Variants in PDHX observed in about 807,000 individuals in gnomAD.
PDHX encodes pyruvate dehydrogenase protein X component, mitochondrial.
Under a neutral mutation model 55.3 loss-of-function variants are expected in PDHX, and 33 were observed. The ratio of observed to expected loss-of-function variants is 0.60; its 90% CI spans 0.45 to 0.80. PDHX has a LOEUF of 0.80. PDHX is among the 30% of genes least tolerant of loss of function. The probability of loss-of-function intolerance (pLI) is 0.00; values close to 1 mark genes in which losing one functional copy is unlikely to be tolerated. For missense variants in PDHX, 622 were observed against 619.9 expected, an observed-to-expected ratio of 1.00 and a Z score of -0.04; for synonymous variants, 226 against 219.4, an observed-to-expected ratio of 1.03 and a Z score of -0.27.
Position 34,966,748 on chromosome 11 carries a change from AGCTG to A in PDHX, c.752_755del (p.Ala251AspfsTer8). 1.2e-6 allele frequency: 2 copies of A among 1,614,142 alleles called. No individual in the cohort carries two copies. The highest frequency in any genetic ancestry group is 4.5e-5 in the East Asian group (2 of 44,878). On this transcript the variant is annotated frameshift_variant, in exon 6 of 11. Coordinates refer to ENST00000227868, the MANE Select transcript of PDHX (RefSeq NM_003477.3). LOFTEE classifies it high-confidence loss of function. ...CAGCACCTTCGCCCCTACAGGCCAC[AGCTG>A]GACCATCTTATCCCCGGCCTGTGAT...
At chr11:34,922,867 TG>T (rs1853922764) in intron 1 of PDHX, among the ~76,000 whole-genome samples, 1 of 59,126 alleles carries the variant, frequency 1.7e-5, no homozygotes, top group African/African-American at 4.5e-5. Flanking sequence ...AGTATCGTTG[TG>T]TGTGTGTGTG....
intron 9 of PDHX, among the ~76,000 whole-genome samples, chr11:34,985,811 G>A (rs1017273210): frequency 1.3e-5 from 2 of 152,192 alleles, no homozygotes; most frequent in African/African-American, 4.8e-5. Flanking sequence ...ACATAAATGT[G>A]TAGACCTTCT....
chr11:34,931,613 GTTA>G (rs1854174282), intron 2 of PDHX, 129 bp downstream of exon 2: 11 of 642,558 alleles, frequency 1.7e-5, no homozygotes, highest in Admixed American at 2.6e-5. Flanking sequence ...TCCTTTGGTA[GTTA>G]ATGTAAGTTT....
At chr11:34,976,990 G>GT (rs1437716114) in intron 7 of PDHX, among the ~76,000 whole-genome samples, 2 of 152,144 alleles carry the variant, frequency 1.3e-5, no homozygotes, top group Non-Finnish European at 2.9e-5. Flanking sequence ...TGTAAGCACT[G>GT]TAAGTCCATT....
chr11:34,988,900 T>A (rs1855704580), intron 9 of PDHX, among the ~76,000 whole-genome samples: 1 of 152,218 alleles, frequency 6.6e-6, no homozygotes, highest in African/African-American at 2.4e-5. Context: ...GTTTTATTAT[T>A]AGTTATTGTT....
At chr11:34,940,419 G>C (rs1344670956) in intron 2 of PDHX, among the ~76,000 whole-genome samples, 1 of 152,098 alleles carries the variant, frequency 6.6e-6, no homozygotes, top group Non-Finnish European at 1.5e-5. Flanking sequence ...ATGGGTCTCT[G>C]GATTCTACTA....
At chr11:34,989,439 G>A (rs1370090346) in intron 9 of PDHX, among the ~76,000 whole-genome samples, 1 of 152,180 alleles carries the variant, frequency 6.6e-6, no homozygotes, top group African/African-American at 2.4e-5. Flanking sequence ...TGCCAAAGAA[G>A]CAGTGAAGAT....
intron 7 of PDHX, chr11:34,977,716 T>C (rs1378351334): frequency 4.4e-6 from 2 of 455,792 alleles, no homozygotes; most frequent in Admixed American, 4.7e-5. Context: ...AGAATAAGGG[T>C]ATTTGAAAAG....
rs3818396 is a variant in PDHX, at chr11:34,917,004, A to G, written c.160+189A>G. ...CTGTGAAGGGCTTTCTTGGCAGCTG[A>G]GAGAACTCGACTCTGCCCTAGGCCC... On this transcript the variant is annotated intron_variant, in intron 1 of 10. Transcript: ENST00000227868. Among the ~76,000 whole-genome samples, 28,763 of 151,898 alleles carry G rather than the reference A, an allele frequency of 0.19. 3,888 individuals are homozygous for G. Among genetic ancestry groups the G allele is most frequent in the African/African-American group, 0.39 (16,152 of 41,344 alleles).
chr11:34,981,965 G>A (rs983580122), intron 8 of PDHX, among the ~76,000 whole-genome samples: 25 of 152,172 alleles, frequency 1.6e-4, no homozygotes, highest in Non-Finnish European at 3.2e-4. Context: ...TGTTCACTCT[G>A]ATGGTAGTTT....
intron 2 of PDHX, among the ~76,000 whole-genome samples, chr11:34,945,674 C>A (rs115665813): frequency 4.6e-5 from 7 of 151,912 alleles, no homozygotes; most frequent in Non-Finnish European, 1.0e-4. Flanking sequence ...TGATAGAATG[C>A]GGTTTCTTTA....
chr11:34,929,144 A>AT (rs1306366244), intron 1 of PDHX, among the ~76,000 whole-genome samples: 2 of 72,624 alleles, frequency 2.8e-5, no homozygotes, highest in African/African-American at 1.2e-4. Context: ...CATTGTGGCT[A>AT]TTTTTCCTCC....
chr11:34,918,060 C>T (rs769854250), intron 1 of PDHX, among the ~76,000 whole-genome samples: 29 of 152,070 alleles, frequency 1.9e-4, no homozygotes, highest in Non-Finnish European at 1.9e-4. Flanking sequence ...GAAGAGTGCT[C>T]TTAATCTTGT....
chr11:34,971,170 T>C (rs1855250191), intron 7 of PDHX, among the ~76,000 whole-genome samples: 1 of 152,170 alleles, frequency 6.6e-6, no homozygotes, highest in Non-Finnish European at 1.5e-5. Flanking sequence ...AGAATGCATT[T>C]ACAGATTATT....
chr11:34,986,094 C>T (rs1255525943), intron 9 of PDHX, among the ~76,000 whole-genome samples: 3 of 152,280 alleles, frequency 2.0e-5, no homozygotes, highest in East Asian at 1.9e-4. Flanking sequence ...CACTTGAGGT[C>T]AGGAATTTGA....
intron 9 of PDHX, among the ~76,000 whole-genome samples, chr11:34,989,654 T>C (rs1855720044): frequency 6.6e-6 from 1 of 152,180 alleles, no homozygotes; most frequent in Admixed American, 6.5e-5. Context: ...CTTGGCTGGC[T>C]TTTTTTCATC....
chr11:34,980,143 C>T (rs565269592), intron 8 of PDHX, among the ~76,000 whole-genome samples: 1 of 88,248 alleles, frequency 1.1e-5, no homozygotes, highest in East Asian at 4.2e-4. Context: ...ACTTACTAGC[C>T]TAGAGTCATT....
chr11:34,954,529 A>G (rs1028638735), intron 3 of PDHX, among the ~76,000 whole-genome samples: 1 of 152,202 alleles, frequency 6.6e-6, no homozygotes, highest in African/African-American at 2.4e-5. Flanking sequence ...AGTTTGTCAC[A>G]GACCTTACTA....
intron 2 of PDHX, among the ~76,000 whole-genome samples, chr11:34,935,528 G>A (rs1021708811): frequency 2.0e-5 from 3 of 152,058 alleles, no homozygotes; most frequent in African/African-American, 4.8e-5. Flanking sequence ...CATGTGTGGT[G>A]GTAGAGTCTC....
Sources: allele counts gnomAD v4.1 joint callset (sites outside exome capture counted in the v4.1 genomes callset), GRCh38; gene constraint gnomAD v4.1.1; transcripts MANE v1.5; gene names NCBI Gene and HGNC (gene_info 2026-07-23, HGNC 2026-07-21).